Variants in GALNT9 observed in about 807,000 individuals in gnomAD.
The protein encoded by GALNT9 is polypeptide N-acetylgalactosaminyltransferase 9, also known as GalNAc transferase 9.
GALNT9 carries 47 observed loss-of-function variants against 63.1 expected under a neutral mutation model. That is an observed-to-expected ratio of 0.75 (90% CI 0.59 to 0.95). The LOEUF is 0.95. Among genes scored for constraint, GALNT9 ranks in the 40% least tolerant of loss-of-function variants. The pLI, the probability that GALNT9 is intolerant of heterozygous loss-of-function variation, is 0.00. For synonymous variants in GALNT9, 396 were observed against 365.7 expected, an observed-to-expected ratio of 1.08 and a Z score of -0.94; for missense variants, 829 against 874.8, an observed-to-expected ratio of 0.95 and a Z score of 0.66.
Position 132,198,040 on chromosome 12 carries a change from CTTGAGCTGCA to C in GALNT9, c.1498-91_1498-82del, listed in dbSNP as rs1875663987. 4 of 1,213,012 alleles carry C rather than the reference CTTGAGCTGCA, an allele frequency of 3.3e-6. No individual in the cohort carries two copies. The African/African-American group carries it at 6.0e-5, about 18-fold the overall frequency. 75.1% of individuals were successfully genotyped at this position (1,213,012 alleles called of 1,614,324 possible). A position where few individuals can be genotyped will look rare whatever the true frequency, so the allele number is the denominator to read the frequency against. On this transcript the variant is annotated intron_variant, in intron 9 of 10. Transcript: ENST00000328957. ...AGCACTGACAGGCCGTGCGAGCTGC[CTTGAGCTGCA>C]AACGGGGCCCTGCGCGGCTGCCTTG...
At chr12:132,287,108 G>A (rs1032909153) in intron 1 of GALNT9, among the ~76,000 whole-genome samples, 5 of 130,748 alleles carry the variant, frequency 3.8e-5, no homozygotes, top group African/African-American at 1.2e-4. Context: ...CACCTGCATC[G>A]GGCAGCATCG....
intron 6 of GALNT9, among the ~76,000 whole-genome samples, chr12:132,208,771 C>T (rs1228014414): frequency 2.0e-5 from 3 of 152,180 alleles, no homozygotes; most frequent in Admixed American, 1.3e-4. Context: ...TGTCTTAGGC[C>T]GCAACATTTC....
rs1877988746 is a variant in GALNT9, at chr12:132,236,051, A to T, written c.1077+11859T>A. On this transcript the variant is annotated intron_variant, in intron 6 of 10. Transcript: ENST00000328957. The surrounding 1 kb of genome is among the most constrained non-coding windows in gnomAD (Gnocchi z 5.6). ...CCCGGGCTGGAGTTCAACCCTCGGG[A>T]CAGGGCAGGAGGGTCCCCCGGGCTG... Among the ~76,000 whole-genome samples, 1 of 31,230 alleles carries T rather than the reference A, an allele frequency of 3.2e-5. No individual in the cohort carries two copies. Among genetic ancestry groups the T allele is most frequent in the Admixed American group, 3.0e-4 (1 of 3,312 alleles). The allele number at this position is 31,230 out of a possible 152,430, so 20.5% of individuals were successfully genotyped here. A position where few individuals can be genotyped will look rare whatever the true frequency, so the allele number is the denominator to read the frequency against.
chr12:132,233,097 G>A (rs1308894615), intron 6 of GALNT9, among the ~76,000 whole-genome samples: 1 of 34,082 alleles, frequency 2.9e-5, no homozygotes, highest in African/African-American at 1.5e-4. Context: ...TCGATGGGGC[G>A]ACAGAGGAGA....
At chr12:132,201,323 T>TCATTATGGGG in intron 7 of GALNT9, 62 bp from the exon 8 acceptor site, 1 of 1,228,854 alleles carries the variant, frequency 8.1e-7, no homozygotes, top group Non-Finnish European at 1.2e-6. Context: ...GTCTTCCCCA[T>TCATTATGGGG]AATGAGGTTG....
chr12:132,261,846 G>C (rs575759542), intron 3 of GALNT9, among the ~76,000 whole-genome samples: 3 of 152,362 alleles, frequency 2.0e-5, no homozygotes, highest in African/African-American at 7.2e-5. Flanking sequence ...CTTGTTTGGG[G>C]TTTCAAGCCT....
Position 132,238,188 on chromosome 12 carries a change from G to C in GALNT9, c.1077+9722C>G, listed in dbSNP as rs1420992159. ...CTTCCAAGGCTAAGGACGCGGGCAG[G>C]GGCTGCTCAGGACCCAGGAGAGAGG... On this transcript the variant is annotated intron_variant, in intron 6 of 10. Transcript: ENST00000328957. This position sits in a 1 kb window ranked among gnomAD's most constrained non-coding sequence, Gnocchi z 6.5. 6.6e-6 allele frequency among the ~76,000 whole-genome samples: 1 copy of C among 152,172 alleles called. No homozygotes were observed. Among genetic ancestry groups the C allele is most frequent in the African/African-American group, 2.4e-5 (1 of 41,422 alleles).
chr12:132,326,909 G>A (rs1267999287), intron 1 of GALNT9, among the ~76,000 whole-genome samples: 4 of 152,298 alleles, frequency 2.6e-5, no homozygotes, highest in South Asian at 2.1e-4. Context: ...AGGCCTCTAC[G>A]GCACCGCCCT....
intron 2 of GALNT9, among the ~76,000 whole-genome samples, chr12:132,263,536 C>T (rs1879485136): frequency 1.3e-5 from 2 of 152,154 alleles, no homozygotes; most frequent in Non-Finnish European, 2.9e-5. Context: ...CTCAGAAAGC[C>T]TGTGGCAAGT....
chr12:132,203,453 TTGACCCCGACCCTGGGGCA>T (rs1182817296), intron 7 of GALNT9, 33 bp downstream of exon 7: 4 of 1,585,832 alleles, frequency 2.5e-6, no homozygotes, highest in South Asian at 1.1e-5. Context: ...TGCCGTGGCA[TTGACCCCGACCCTGGGGCA>T]TGGCCCCGGC....
intron 2 of GALNT9, among the ~76,000 whole-genome samples, chr12:132,264,631 A>T (rs1879530954): frequency 6.6e-6 from 1 of 152,248 alleles, no homozygotes; most frequent in African/African-American, 2.4e-5. Context: ...CCAGGGCAGC[A>T]AACCCACCTG....
intron 2 of GALNT9, chr12:132,278,577 G>C (rs1880203835): frequency 6.6e-6 from 1 of 152,260 alleles, no homozygotes; most frequent in African/African-American, 2.4e-5. Context: ...AGGCTGAGTG[G>C]CCCTCCCCGG....
chr12:132,305,834 C>CCTGGGGTTTCCCTA (rs1881591414), intron 1 of GALNT9, among the ~76,000 whole-genome samples: 1 of 152,198 alleles, frequency 6.6e-6, no homozygotes, highest in South Asian at 2.1e-4. Flanking sequence ...GAGTGCCAGG[C>CCTGGGGTTTCCCTA]CTGGGGTTTC....
chr12:132,235,332 G>T (rs1453269313), intron 6 of GALNT9, among the ~76,000 whole-genome samples: 3 of 152,286 alleles, frequency 2.0e-5, no homozygotes, highest in Non-Finnish European at 4.4e-5. Flanking sequence ...CTGGGACCCG[G>T]AGACTGGGAA....
chr12:132,208,376 G>A (rs891980505), intron 6 of GALNT9, among the ~76,000 whole-genome samples: 9 of 152,342 alleles, frequency 5.9e-5, no homozygotes, highest in African/African-American at 1.7e-4. Flanking sequence ...GAGCAACTGG[G>A]GATAAGCTGG....
intron 1 of GALNT9, among the ~76,000 whole-genome samples, chr12:132,292,264 C>A (rs966238184): frequency 6.6e-6 from 1 of 152,236 alleles, no homozygotes; most frequent in Non-Finnish European, 1.5e-5. Flanking sequence ...TCTACCCCAG[C>A]GCCTCATGTG....
At position 132,229,665 on chromosome 12, in the gene GALNT9, G is replaced by A. The variant is rs1013713828; in HGVS notation, c.1077+18245C>T. Among the ~76,000 whole-genome samples the A allele has an allele frequency of 1.3e-3, 202 of 152,338 alleles. 2 individuals carry two copies. The highest frequency in any genetic ancestry group is 4.4e-3 in the African/African-American group (184 of 41,582). On this transcript the variant is annotated intron_variant, in intron 6 of 10. Coordinates refer to ENST00000328957, the MANE Select transcript of GALNT9 (RefSeq NM_001122636.2). ...CCCACCCTTCTCGGGCCACACGGCC[G>A]GCATGGTTGGCAAGCTTAGCTGGGA...
Position 132,307,063 on chromosome 12 carries a change from C to T in GALNT9, c.239-20633G>A, listed in dbSNP as rs140549312. On this transcript the variant is annotated intron_variant, in intron 1 of 10. Coordinates refer to ENST00000328957, the MANE Select transcript of GALNT9 (RefSeq NM_001122636.2). The stretch of plus-strand genomic sequence containing the variant: ...GGGACCTGTGCCCGCTTCCCAGCCA[C>T]CTCCTCTCGATGGACCCTGAGGAGA... 1.5e-3 allele frequency among the ~76,000 whole-genome samples: 223 copies of T among 152,146 alleles called. 1 individual carries two copies. Among genetic ancestry groups the T allele is most frequent in the African/African-American group, 5.2e-3 (215 of 41,472 alleles).
At chr12:132,290,408 T>G (rs1317033293) in intron 1 of GALNT9, among the ~76,000 whole-genome samples, 1 of 152,130 alleles carries the variant, frequency 6.6e-6, no homozygotes, top group Non-Finnish European at 1.5e-5. Flanking sequence ...CGCTGTGTCT[T>G]GGGGTGATGG....
Sources: gnomAD v4.1 joint callset for allele counts (sites outside exome capture counted in the v4.1 genomes callset) on GRCh38, gnomAD v4.1.1 for gene constraint, Gnocchi (gnomAD v3.1) non-coding constraint, MANE v1.5 for transcripts, NCBI Gene and HGNC (gene_info 2026-07-23, HGNC 2026-07-21) for gene names.